Variants in BCAS3 observed in about 807,000 individuals in gnomAD.
BCAS3 encodes the protein BCAS4/BCAS3 fusion.
BCAS3 carries 53 observed loss-of-function variants against 116.1 expected under a neutral mutation model. The ratio of observed to expected loss-of-function variants is 0.46; its 90% CI spans 0.37 to 0.57. BCAS3 has a LOEUF of 0.57. Ranked by LOEUF, BCAS3 falls within the 20% of genes least tolerant of loss-of-function variation. The probability of loss-of-function intolerance (pLI) is 0.00; values close to 1 mark genes in which losing one functional copy is unlikely to be tolerated. For missense variants in BCAS3, 917 were observed against 1,165.4 expected, an observed-to-expected ratio of 0.79 and a Z score of 3.10; for synonymous variants, 391 against 408.2, an observed-to-expected ratio of 0.96 and a Z score of 0.51.
At chr17:60,707,272 T>C (rs991525513) in intron 4 of BCAS3, among the ~76,000 whole-genome samples, 1 of 151,862 alleles carries the variant, frequency 6.6e-6, no homozygotes, top group Non-Finnish European at 1.5e-5. Flanking sequence ...GGATTACAGG[T>C]GTGAGCCACC....
At chr17:60,869,907 A>G (rs944916393) in intron 8 of BCAS3, among the ~76,000 whole-genome samples, 2 of 152,342 alleles carry the variant, frequency 1.3e-5, no homozygotes, top group Admixed American at 6.5e-5. Context: ...TTTCAATTAC[A>G]TAAATATACT....
At position 61,213,279 on chromosome 17, in the gene BCAS3, C is replaced by T. The variant is rs1387735022; in HGVS notation, c.2425+128715C>T. Among the ~76,000 whole-genome samples, 1 of 152,126 alleles carries T rather than the reference C, an allele frequency of 6.6e-6. No homozygotes were observed. Among genetic ancestry groups the T allele is most frequent in the Non-Finnish European group, 1.5e-5 (1 of 68,038 alleles). The stretch of plus-strand genomic sequence containing the variant: ...CTGGTCCCCGGGTTCAAGCGATCCT[C>T]CTGCCTCAGCTTCTCGAGTAGCTGG... On this transcript the variant is annotated intron_variant, in intron 22 of 23. Coordinates refer to ENST00000407086, the MANE Select transcript of BCAS3 (RefSeq NM_017679.5). The surrounding 1 kb of genome is among the most constrained non-coding windows in gnomAD (Gnocchi z 5.4).
chr17:60,835,123 C>T (rs908607002), intron 7 of BCAS3, among the ~76,000 whole-genome samples: 2 of 151,774 alleles, frequency 1.3e-5, no homozygotes, highest in African/African-American at 4.8e-5. Flanking sequence ...TAGGAAAGTA[C>T]AATAGAATCT....
At chr17:61,242,004 TG>T (rs1200281598) in intron 22 of BCAS3, among the ~76,000 whole-genome samples, 1 of 151,616 alleles carries the variant, frequency 6.6e-6, no homozygotes, top group Non-Finnish European at 1.5e-5. Flanking sequence ...TGGCTGGGTG[TG>T]GTGGCTCACA....
At chr17:60,777,833 C>T (rs1315988817) in intron 6 of BCAS3, among the ~76,000 whole-genome samples, 3 of 152,174 alleles carry the variant, frequency 2.0e-5, no homozygotes, top group Non-Finnish European at 4.4e-5. Flanking sequence ...TGTCCTCATC[C>T]TCTTTTTGGA....
At chr17:61,322,282 G>A (rs763441718) in intron 22 of BCAS3, among the ~76,000 whole-genome samples, 1 of 152,248 alleles carries the variant, frequency 6.6e-6, no homozygotes, top group African/African-American at 2.4e-5. Flanking sequence ...GACCTCATGT[G>A]TAAAGGTGCT....
chr17:61,067,726 CAAAAAA>C (rs377228440), intron 19 of BCAS3, among the ~76,000 whole-genome samples: 1 of 108,992 alleles, frequency 9.2e-6, no homozygotes, highest in African/African-American at 3.8e-5. Context: ...AACAAACAAA[CAAAAAA>C]AAAAAAAAAT....
At chr17:60,757,112 G>C (rs916714089) in intron 6 of BCAS3, among the ~76,000 whole-genome samples, 4 of 151,702 alleles carry the variant, frequency 2.6e-5, no homozygotes, top group African/African-American at 7.3e-5. Context: ...GCAATGAGCC[G>C]AGATCGCACC....
intron 7 of BCAS3, chr17:60,811,034 G>T: frequency 1.5e-6 from 1 of 652,930 alleles, no homozygotes; most frequent in South Asian, 1.5e-5. Flanking sequence ...GCCGAGGTTG[G>T]AGCTGCTGCG....
At chr17:61,101,252 C>G (rs1001274534) in intron 22 of BCAS3, among the ~76,000 whole-genome samples, 1 of 152,110 alleles carries the variant, frequency 6.6e-6, no homozygotes, top group African/African-American at 2.4e-5. Flanking sequence ...GATACTTATC[C>G]TTTAAGCAGT....
At chr17:61,135,976 CGCTGCT>C (rs937556096) in intron 22 of BCAS3, 2 of 160,090 alleles carry the variant, frequency 1.2e-5, no homozygotes, top group Non-Finnish European at 2.7e-5. Flanking sequence ...CCTCTCCTGC[CGCTGCT>C]GCTGCTGCTG....
chr17:60,973,894 A>C (rs1447737269), intron 14 of BCAS3, among the ~76,000 whole-genome samples: 1 of 152,046 alleles, frequency 6.6e-6, no homozygotes, highest in Non-Finnish European at 1.5e-5. Flanking sequence ...ACCCTGCCTA[A>C]AAATATTTTT....
chr17:61,178,447 T>C (rs1030898273), intron 22 of BCAS3, among the ~76,000 whole-genome samples: 1 of 152,208 alleles, frequency 6.6e-6, no homozygotes, highest in Admixed American at 6.5e-5. Flanking sequence ...CTTCTTTTTT[T>C]AATGTGAATT....
intron 5 of BCAS3, among the ~76,000 whole-genome samples, chr17:60,710,431 AT>A (rs529286931): frequency 0.036 from 4,856 of 135,334 alleles, 197 homozygotes; most frequent in African/African-American, 0.11. Context: ...ATTCTTTAAC[AT>A]TTTTTTTTTT....
In BCAS3 at chr17:61,307,173, C is replaced by T. The variant is rs1371671226; in HGVS notation, c.2426-61154C>T. ...TTGAAGTGAAGAGCCTAGCCTAGTG[C>T]CGGCCCAAGTTGGGACTTGCTGAAC... On this transcript the variant is annotated intron_variant, in intron 22 of 23. Transcript: ENST00000407086. This position sits in a 1 kb window ranked among gnomAD's most constrained non-coding sequence, Gnocchi z 4.7. Among the ~76,000 whole-genome samples the T allele has an allele frequency of 1.3e-5, 2 of 152,248 alleles. No individual in the cohort carries two copies. The highest frequency in any genetic ancestry group is 2.9e-5 in the Non-Finnish European group (2 of 68,044).
chr17:61,173,421 C>T (rs2144128794), intron 22 of BCAS3, among the ~76,000 whole-genome samples: 1 of 151,254 alleles, frequency 6.6e-6, no homozygotes, highest in East Asian at 2.0e-4. Flanking sequence ...TGCACCCCAG[C>T]CTGGGTGACA....
intron 14 of BCAS3, among the ~76,000 whole-genome samples, chr17:60,982,325 G>C (rs1009084069): frequency 6.6e-6 from 1 of 151,928 alleles, no homozygotes; most frequent in Admixed American, 6.6e-5. Flanking sequence ...TTATTTTACA[G>C]ATTGGGGGTC....
At chr17:61,253,378 G>A (rs1246188075) in intron 22 of BCAS3, among the ~76,000 whole-genome samples, 1 of 151,652 alleles carries the variant, frequency 6.6e-6, no homozygotes, top group Non-Finnish European at 1.5e-5. Context: ...TATAATCAAT[G>A]TCTGCTTCAC....
chr17:60,938,859 A>T (rs924656497), intron 13 of BCAS3, among the ~76,000 whole-genome samples: 1 of 152,232 alleles, frequency 6.6e-6, no homozygotes, highest in Non-Finnish European at 1.5e-5. Context: ...ACTGATCAAC[A>T]TCACTGATAA....
Sources: gnomAD v4.1 joint callset for allele counts (sites outside exome capture counted in the v4.1 genomes callset) on GRCh38, gnomAD v4.1.1 for gene constraint, Gnocchi (gnomAD v3.1) non-coding constraint, MANE v1.5 for transcripts, NCBI Gene and HGNC (gene_info 2026-07-23, HGNC 2026-07-21) for gene names.